The following ACSM3 variants were observed in gnomAD, a reference collection of about 807,000 sequenced individuals.
The protein encoded by ACSM3 is acyl-coenzyme A synthetase ACSM3, mitochondrial.
ACSM3 carries 61 observed loss-of-function variants against 74.1 expected under a neutral mutation model. The observed-to-expected ratio is 0.82, with a 90% CI of 0.67 to 1.02. ACSM3 has a LOEUF of 1.02. ACSM3 is among the 50% of genes least tolerant of loss of function. ACSM3 has a pLI of 0.00. For synonymous variants in ACSM3, 213 were observed against 241.5 expected (o/e 0.88, Z 1.09); for missense variants, 660 against 697.0 (o/e 0.95, Z 0.60).
In ACSM3 at chr16:20,789,921, G is replaced by A. The variant is rs535312820; in HGVS notation, c.1225-666G>A. On this transcript the variant is annotated intron_variant, in intron 9 of 13. Transcript: ENST00000289416. ...ACTCCTGACCTCAGGCGATCCACCC[G>A]CCTCGGCCTCCCAAAGTGCTAGGAT... 6.1e-4 allele frequency among the ~76,000 whole-genome samples: 93 copies of A among 151,622 alleles called. No individual in the cohort carries two copies. In the East Asian group the frequency reaches 0.014, roughly 23 times the overall value.
intron 1 of ACSM3, chr16:20,735,929 T>C (rs1258246204): frequency 1.3e-5 from 2 of 152,004 alleles, no homozygotes; most frequent in South Asian, 2.1e-4. Context: ...CATGCATATT[T>C]TCCTTTCCTG....
chr16:20,770,382 T>G (rs2080178003), intron 2 of ACSM3, 129 bp downstream of exon 2: 3 of 761,814 alleles, frequency 3.9e-6, no homozygotes, highest in Non-Finnish European at 6.4e-6. Flanking sequence ...TACTGGCATC[T>G]AACAGGTAAA....
intron 1 of ACSM3, among the ~76,000 whole-genome samples, chr16:20,709,626 T>C (rs951475827): frequency 1.3e-5 from 2 of 152,262 alleles, no homozygotes; most frequent in African/African-American, 4.8e-5. Flanking sequence ...AATAATCTTA[T>C]ATTTTTACAT....
rs1391191170 is a variant in ACSM3, at chr16:20,741,951, G to C, written c.-189-7959G>C. On this transcript the variant is annotated intron_variant, in intron 1 of 3. Transcript: ENST00000561584. ...CCGCCCAAGCCCCGCCTCCTGCCCC[G>C]CCTCCCGACTGCAACCTGAATCCAG... 5.9e-6 allele frequency: 9 copies of C among 1,530,382 alleles called. No individual in the cohort carries two copies. In the East Asian group the frequency reaches 2.2e-4, roughly 38 times the overall value. The allele number at this position is 1,530,382 out of a possible 1,614,324, so 94.8% of individuals were successfully genotyped here.
At chr16:20,769,696 G>A (rs1469402863) in intron 1 of ACSM3, among the ~76,000 whole-genome samples, 1 of 152,182 alleles carries the variant, frequency 6.6e-6, no homozygotes, top group African/African-American at 2.4e-5. Flanking sequence ...TCTGGAGAAT[G>A]GGCTAGGACC....
At chr16:20,779,403 G>A (rs1370983557) in intron 4 of ACSM3, among the ~76,000 whole-genome samples, 1 of 145,300 alleles carries the variant, frequency 6.9e-6, no homozygotes, top group Non-Finnish European at 1.5e-5. Flanking sequence ...CAGCCTGGGT[G>A]AGAGAGAGAG....
chr16:20,691,751 ATGTGTGTGTGTGTGTG>A (rs59929923), intron 1 of ACSM3, among the ~76,000 whole-genome samples: 9,497 of 134,016 alleles, frequency 0.071, 405 homozygotes, highest in Middle Eastern at 0.12. Flanking sequence ...TACCTCTCCA[ATGTGTGTGTGTGTGTG>A]TGTGTGTGTG....
At chr16:20,713,113 T>A (rs1263160759) in intron 1 of ACSM3, among the ~76,000 whole-genome samples, 1 of 152,196 alleles carries the variant, frequency 6.6e-6, no homozygotes. Context: ...TGTGTAACCT[T>A]GGATAAGTAA....
intron 1 of ACSM3, chr16:20,739,163 T>A: frequency 7.8e-7 from 1 of 1,277,166 alleles, no homozygotes; most frequent in East Asian, 2.5e-5. Context: ...TGGCGGCAGG[T>A]GGCTCAGTAT....
intron 1 of ACSM3, among the ~76,000 whole-genome samples, chr16:20,731,151 C>G (rs1385074520): frequency 5.3e-5 from 8 of 152,200 alleles, no homozygotes; most frequent in African/African-American, 1.9e-4. Flanking sequence ...TAGGTGTAAG[C>G]CACTACACTC....
chr16:20,761,099 AT>A (rs74552915), upstream of ACSM3, among the ~76,000 whole-genome samples: 20,217 of 146,392 alleles, frequency 0.14, 1,660 homozygotes, highest in South Asian at 0.26. Flanking sequence ...ATGTATACAC[AT>A]TTTTTTTTTT....
intron 1 of ACSM3, among the ~76,000 whole-genome samples, chr16:20,723,476 T>C (rs568829848): frequency 6.6e-6 from 1 of 152,310 alleles, no homozygotes; most frequent in African/African-American, 2.4e-5. Flanking sequence ...TCCACAATGG[T>C]TGAACTAGTT....
At chr16:20,704,092 C>A (rs1314488533) in intron 1 of ACSM3, among the ~76,000 whole-genome samples, 1 of 152,124 alleles carries the variant, frequency 6.6e-6, no homozygotes, top group Non-Finnish European at 1.5e-5. Flanking sequence ...ATAAGCATAA[C>A]TCCATTTACA....
chr16:20,718,002 G>C (rs1246889940), intron 1 of ACSM3, among the ~76,000 whole-genome samples: 1 of 149,020 alleles, frequency 6.7e-6, no homozygotes, highest in African/African-American at 2.5e-5. Flanking sequence ...AGAAGAAGAA[G>C]AAGAAGAAGA....
chr16:20,705,632 T>G (rs1377605984), intron 1 of ACSM3, among the ~76,000 whole-genome samples: 1 of 152,146 alleles, frequency 6.6e-6, no homozygotes, highest in African/African-American at 2.4e-5. Context: ...AAAATCCAGA[T>G]TCTCTACCAA....
chr16:20,741,644 G>C (rs116141535), intron 1 of ACSM3: 1 of 1,582,894 alleles, frequency 6.3e-7, no homozygotes, highest in African/African-American at 1.3e-5. Context: ...GCCCGCCAGC[G>C]TCGCAGCGCC....
Position 20,701,665 on chromosome 16 carries a change from T to C in ACSM3, c.-190+26843T>C, listed in dbSNP as rs991027394. On this transcript the variant is annotated intron_variant, in intron 1 of 3. Transcript: ENST00000561584. Reference sequence around the variant, plus strand: ...GGTTTTAAGCCCCATGTGCATTAAGTGTTTATCCTAATGCTCTCCCTCCCT... The same window carrying C: ...GGTTTTAAGCCCCATGTGCATTAAGCGTTTATCCTAATGCTCTCCCTCCCT... 6.6e-5 allele frequency among the ~76,000 whole-genome samples: 10 copies of C among 152,182 alleles called. No individual in the cohort carries two copies. The East Asian group carries it at 1.7e-3, about 26-fold the overall frequency.
In ACSM3 at chr16:20,770,259, G is replaced by C. The variant is rs765378823; in HGVS notation, c.219+6G>C. The C allele has an allele frequency of 1.2e-6, 2 of 1,611,848 alleles. No homozygotes were observed. Among genetic ancestry groups the C allele is most frequent in the Non-Finnish European group, 1.7e-6 (2 of 1,177,964 alleles). On this transcript the variant is annotated splice_donor_region_variant and intron_variant, in intron 2 of 13. Coordinates refer to ENST00000289416, the MANE Select transcript of ACSM3 (RefSeq NM_005622.4). ...AATGGACTGATAAGGAAAAGGTATG[G>C]GGGGAGGGCCAGTCAGACCACAATT...
chr16:20,762,308 G>A (rs541858026), upstream of ACSM3, among the ~76,000 whole-genome samples: 19 of 151,636 alleles, frequency 1.3e-4, no homozygotes, highest in Middle Eastern at 6.8e-3. Context: ...CTCTAATAAT[G>A]AGCTTAACAT....
Sources: gnomAD v4.1 joint callset for allele counts (sites outside exome capture counted in the v4.1 genomes callset) on GRCh38, gnomAD v4.1.1 for gene constraint, MANE v1.5 for transcripts, NCBI Gene and HGNC (gene_info 2026-07-23, HGNC 2026-07-21) for gene names.